Variants in PTBP1 observed in about 807,000 individuals in gnomAD.
The protein encoded by PTBP1 is polypyrimidine tract-binding protein 1.
PTBP1 carries 8 observed loss-of-function variants against 59.8 expected under a neutral mutation model. The ratio of observed to expected loss-of-function variants is 0.13; its 90% CI spans 0.08 to 0.24. The LOEUF (loss-of-function observed/expected upper bound fraction) is 0.24. Among genes scored for constraint, PTBP1 ranks in the 10% least tolerant of loss-of-function variants. The pLI is 1.00. For missense variants in PTBP1, 686 were observed against 767.0 expected (o/e 0.89, Z 1.25); for synonymous variants, 490 against 320.7 (o/e 1.53, Z -5.64).
At position 808,342 on chromosome 19, in the gene PTBP1, A is replaced by AGG; in HGVS notation, c.1154-18_1154-17insGG. 6.3e-7 allele frequency: 1 copy of AGG among 1,578,584 alleles called. No individual in the cohort carries two copies. Among genetic ancestry groups the AGG allele is most frequent in the South Asian group, 1.2e-5 (1 of 86,864 alleles). On this transcript the variant is annotated splice_polypyrimidine_tract_variant and intron_variant, in intron 11 of 14. Transcript: ENST00000356948. The surrounding 1 kb of genome is among the most constrained non-coding windows in gnomAD (Gnocchi z 4.7). ...GCAGGCAGCAGGAGACTCAGGCCCC[A>AGG]TCCCTGGGCTTTTGAAGGCGTCTAC...
intron 13 of PTBP1, among the ~76,000 whole-genome samples, chr19:809,226 C>A (rs562535215): frequency 1.3e-5 from 2 of 151,660 alleles, no homozygotes; most frequent in South Asian, 4.2e-4. Context: ...CCAGGCTGAT[C>A]TTGATCTCCT....
intron 2 of PTBP1, among the ~76,000 whole-genome samples, chr19:802,602 G>GC (rs749500106): frequency 6.6e-6 from 1 of 152,336 alleles, no homozygotes; most frequent in Non-Finnish European, 1.5e-5. Context: ...GTCCTGGGGG[G>GC]CCTGGGCGTT....
intron 8 of PTBP1, 123 bp from the exon 9 acceptor site, chr19:805,369 G>A (rs2034518018): frequency 5.0e-6 from 6 of 1,203,996 alleles, no homozygotes; most frequent in African/African-American, 1.5e-5. Flanking sequence ...CTGGAGCAGC[G>A]GATCTGCCCG....
intron 1 of PTBP1, 146 bp from the exon 2 acceptor site, chr19:799,267 C>T (rs2034222299): frequency 3.8e-6 from 3 of 797,372 alleles, no homozygotes; most frequent in African/African-American, 1.7e-5. Context: ...TGAGCTTTCT[C>T]TAGCGGGGCC....
intron 2 of PTBP1, among the ~76,000 whole-genome samples, chr19:803,169 C>T (rs117458172): frequency 0.016 from 2,460 of 152,258 alleles, 36 homozygotes; most frequent in Non-Finnish European, 0.024. Flanking sequence ...GGAGGGGGTC[C>T]TCTGCCCTGC....
At chr19:806,251 G>A (rs976187159) in intron 9 of PTBP1, 157 bp from the exon 10 acceptor site, 22 of 771,106 alleles carry the variant, frequency 2.9e-5, no homozygotes, top group Non-Finnish European at 3.6e-5. Flanking sequence ...CTGTGCGGGG[G>A]TCGGACGACC....
At chr19:803,739 G>A in intron 3 of PTBP1, 103 bp downstream of exon 3, 1 of 1,099,458 alleles carries the variant, frequency 9.1e-7, no homozygotes, top group African/African-American at 1.6e-5. Flanking sequence ...CAACTGCAGG[G>A]GCCCATGGTC....
In PTBP1 at chr19:804,323, C is replaced by T; in HGVS notation, c.320C>T (p.Ala107Val). The T allele has an allele frequency of 6.2e-7, 1 of 1,613,678 alleles. No individual in the cohort carries two copies. Among genetic ancestry groups the T allele is most frequent in the Non-Finnish European group, 8.5e-7 (1 of 1,179,968 alleles). Residue 107 changes from alanine to valine, a missense_variant, in exon 5 of 15, where the codon GCC becomes GTC. Physicochemically the swap from Ala to Val is moderately conservative, Grantham distance 64. Transcript: ENST00000356948. ...ATCGAGATGAACACGGAGGAGGCTG[C>T]CAACACCATGGTGAACTACTACACC... ...AFIEMNTEEA[A>V]NTMVNYYTSV... is the part of the protein sequence containing the mutation.
chr19:808,015 G>C lies in PTBP1; in HGVS notation c.1153+113G>C, dbSNP rs1237390056. 2.0e-6 allele frequency: 2 copies of C among 997,426 alleles called. No homozygotes were observed. The highest frequency in any genetic ancestry group is 3.2e-5 in the African/African-American group (2 of 62,234). The allele number at this position is 997,426 out of a possible 1,614,324, so 61.8% of individuals were successfully genotyped here. ...GGCACTCTGATGCTCCGTGGCATCCGCCTCGTTTTATGGTTTGCTTTCGGT... is the reference window on the plus strand; with the variant it reads ...GGCACTCTGATGCTCCGTGGCATCCCCCTCGTTTTATGGTTTGCTTTCGGT... On this transcript the variant is annotated intron_variant, in intron 11 of 14. Coordinates refer to ENST00000356948, the MANE Select transcript of PTBP1 (RefSeq NM_002819.5). The surrounding 1 kb of genome is among the most constrained non-coding windows in gnomAD (Gnocchi z 4.7).
intron 2 of PTBP1, among the ~76,000 whole-genome samples, chr19:802,610 G>A (rs188908277): frequency 6.4e-4 from 97 of 152,326 alleles, no homozygotes; most frequent in Middle Eastern, 3.4e-3. Context: ...GGGCCTGGGC[G>A]TTGCTGCCCT....
chr19:806,460 G>C lies in PTBP1; in HGVS notation c.1023G>C (p.Ser341=). The stretch of plus-strand genomic sequence containing the variant: ...CCCTGGCCCCCCTGGCCATCCCCTC[G>C]GCGGCGGCGGCAGCTGCGGCGGCAG... ...HGALAPLAIP[S]AAAAAAAAGR... is the part of the protein sequence containing the mutation. The change falls in exon 10 of 15, where the codon TCG becomes TCC. Residue 341 remains serine (S), a synonymous_variant. Transcript: ENST00000356948. 1 of 1,595,010 alleles carries C rather than the reference G, an allele frequency of 6.3e-7. No homozygotes were observed. The highest frequency in any genetic ancestry group is 1.7e-5 in the Admixed American group (1 of 58,038).
At position 811,339 on chromosome 19, in the gene PTBP1, G is replaced by A. The variant is rs868649851; in HGVS notation, c.*513G>A. 1 of 152,436 alleles carries A rather than the reference G, an allele frequency of 6.6e-6. No individual in the cohort carries two copies. The highest frequency in any genetic ancestry group is 2.4e-5 in the African/African-American group (1 of 41,458). The allele number at this position is 152,436 out of a possible 1,614,324, so 9.4% of individuals were successfully genotyped here. Reference sequence around the variant, plus strand: ...CCCCAGCCCTCTAATCAAGTCACGTGATTCTCCCTTCACCCCGCCCCCAGG... The same window carrying A: ...CCCCAGCCCTCTAATCAAGTCACGTAATTCTCCCTTCACCCCGCCCCCAGG... On this transcript the variant is annotated 3_prime_UTR_variant, in exon 15 of 15. Transcript: ENST00000356948.
chr19:810,497 C>G, intron 13 of PTBP1, 46 bp from the exon 14 acceptor site: 2 of 1,565,288 alleles, frequency 1.3e-6, no homozygotes, highest in Non-Finnish European at 1.7e-6. Flanking sequence ...GACTGGGCGC[C>G]CCCACCCCCA....
In PTBP1 at chr19:805,468, G is replaced by T. The variant is rs1405631035; in HGVS notation, c.893-24G>T. On this transcript the variant is annotated intron_variant, in intron 8 of 14. Transcript: ENST00000356948. The stretch of plus-strand genomic sequence containing the variant: ...TCGCGGTGGAGGTTGTGGGTGCGAT[G>T]ATTAGTGTCTCATTTATTTCTAGGT... 3 of 1,600,662 alleles carry T rather than the reference G, an allele frequency of 1.9e-6. No homozygotes were observed. The African/African-American group carries it at 4.0e-5, about 21-fold the overall frequency.
rs753780916 is a variant in PTBP1 at position 806,398 on chromosome 19, G to C, written c.971-10G>C. 1.3e-6 allele frequency: 2 copies of C among 1,597,180 alleles called. No homozygotes were observed. Among genetic ancestry groups the C allele is most frequent in the Non-Finnish European group, 1.7e-6 (2 of 1,172,792 alleles). On this transcript the variant is annotated splice_polypyrimidine_tract_variant and intron_variant, in intron 9 of 14. Transcript: ENST00000356948. The stretch of plus-strand genomic sequence containing the variant: ...GGCGCCGCCGCTCATCTCACCTCCT[G>C]CTTTTCCAGGCCTTTCCGTTCCGAA...
rs902574219 is a variant in PTBP1, at chr19:811,976, C to T, written c.*1150C>T. Reference sequence around the variant, plus strand: ...CCCCGCGTCCTGTCCCGGGGGCTCTCCTAGGATCCCCTTTCCGTAAAAGCG... The same window carrying T: ...CCCCGCGTCCTGTCCCGGGGGCTCTTCTAGGATCCCCTTTCCGTAAAAGCG... On this transcript the variant is annotated 3_prime_UTR_variant, in exon 15 of 15. Coordinates refer to ENST00000356948, the MANE Select transcript of PTBP1 (RefSeq NM_002819.5). 3 of 152,248 alleles carry T rather than the reference C, an allele frequency of 2.0e-5. No individual in the cohort carries two copies. The highest frequency in any genetic ancestry group is 7.2e-5 in the African/African-American group (3 of 41,390). The allele number at this position is 152,248 out of a possible 1,614,324, so 9.4% of individuals were successfully genotyped here.
At chr19:801,199 A>G (rs933792495) in intron 2 of PTBP1, among the ~76,000 whole-genome samples, 2 of 152,192 alleles carry the variant, frequency 1.3e-5, no homozygotes, top group South Asian at 2.1e-4. Flanking sequence ...TGTGTGCTTC[A>G]GGACAGGTGC....
chr19:808,869 C>A lies in PTBP1; in HGVS notation c.1463+107C>A. On this transcript the variant is annotated intron_variant, in intron 13 of 14. Coordinates refer to ENST00000356948, the MANE Select transcript of PTBP1 (RefSeq NM_002819.5). This position sits in a 1 kb window ranked among gnomAD's most constrained non-coding sequence, Gnocchi z 4.7. ...CTTCTGGCGTTTCCAGAGTGCAGGT[C>A]GGGCACCTCTTACCCCAAACCTGAA... 9.2e-7 allele frequency: 1 copy of A among 1,086,318 alleles called. No individual in the cohort carries two copies. Among genetic ancestry groups the A allele is most frequent in the South Asian group, 1.4e-5 (1 of 69,314 alleles). 67.3% of individuals were successfully genotyped at this position (1,086,318 alleles called of 1,614,324 possible).
Position 804,086 on chromosome 19 carries a change from G to A in PTBP1, c.166G>A (p.Val56Ile), listed in dbSNP as rs534938589. The change falls in exon 4 of 15, where the codon GTC (valine) becomes ATC (isoleucine). Residue 56 changes from valine to isoleucine, a missense_variant. Val to Ile is a conservative substitution (Grantham distance 29). Coordinates refer to ENST00000356948, the MANE Select transcript of PTBP1 (RefSeq NM_002819.5). Reference protein sequence around the residue: ...KFKGDSRSAGVPSRVIHIRKL... With the variant: ...KFKGDSRSAGIPSRVIHIRKL... ...CAAAGGTGACAGCCGAAGTGCAGGCGTCCCCTCTAGAGTGATCCACATCCG... is the reference window on the plus strand; with the variant it reads ...CAAAGGTGACAGCCGAAGTGCAGGCATCCCCTCTAGAGTGATCCACATCCG... 9.4e-5 allele frequency: 151 copies of A among 1,614,006 alleles called. No individual in the cohort carries two copies. Among genetic ancestry groups the A allele is most frequent in the South Asian group, 2.6e-4 (24 of 91,080 alleles).
Sources: gnomAD v4.1 joint callset for allele counts (sites outside exome capture counted in the v4.1 genomes callset) on GRCh38, gnomAD v4.1.1 for gene constraint, Gnocchi (gnomAD v3.1) non-coding constraint, MANE v1.5 for transcripts, NCBI Gene and HGNC (gene_info 2026-07-23, HGNC 2026-07-21) for gene names.